The following AGBL4 variants were observed in gnomAD, a reference collection of about 807,000 sequenced individuals.
AGBL4 encodes the protein cytosolic carboxypeptidase 6.
A neutral mutation model predicts 66.4 loss-of-function variants in AGBL4; 58 were observed. The observed-to-expected ratio is 0.87, with a 90% CI of 0.71 to 1.09. AGBL4 has a LOEUF of 1.09. Ranked by LOEUF, AGBL4 falls within the 50% of genes least tolerant of loss-of-function variation. AGBL4 has a pLI of 0.00. For missense variants in AGBL4, 579 were observed against 631.0 expected, an observed-to-expected ratio of 0.92 and a Z score of 0.88; for synonymous variants, 234 against 222.9, an observed-to-expected ratio of 1.05 and a Z score of -0.44.
chr1:48,721,759 T>C (rs1238789635), intron 6 of AGBL4, among the ~76,000 whole-genome samples: 1 of 152,206 alleles, frequency 6.6e-6, no homozygotes, highest in Admixed American at 6.5e-5. Context: ...TGGGACTGAG[T>C]TGTGGTGACC....
chr1:49,509,562 C>A (rs1308460994), intron 3 of AGBL4, among the ~76,000 whole-genome samples: 1 of 151,708 alleles, frequency 6.6e-6, no homozygotes, highest in Non-Finnish European at 1.5e-5. Flanking sequence ...ACCAGGGAGG[C>A]CTCTAAATAC....
chr1:49,865,229 T>G, intron 1 of AGBL4, among the ~76,000 whole-genome samples: 1 of 152,146 alleles, frequency 6.6e-6, no homozygotes, highest in East Asian at 1.9e-4. Flanking sequence ...TTCGCCCCAG[T>G]GCAGACAGCC....
intron 3 of AGBL4, among the ~76,000 whole-genome samples, chr1:49,504,555 A>T (rs752073560): frequency 8.6e-5 from 13 of 152,016 alleles, no homozygotes; most frequent in Non-Finnish European, 1.6e-4. Context: ...CAATTGTTAT[A>T]TTCACTTGAT....
At chr1:49,903,278 G>A (rs904098346) in intron 1 of AGBL4, among the ~76,000 whole-genome samples, 15 of 152,122 alleles carry the variant, frequency 9.9e-5, no homozygotes, top group Non-Finnish European at 1.0e-4. Context: ...GCATGTTCTC[G>A]CTTATAAGTG....
At chr1:49,931,292 G>C (rs1204022118) in intron 1 of AGBL4, among the ~76,000 whole-genome samples, 2 of 152,136 alleles carry the variant, frequency 1.3e-5, no homozygotes, top group Non-Finnish European at 2.9e-5. Flanking sequence ...TGAGTTGAAA[G>C]AATATTGTTA....
At chr1:48,864,559 A>G (rs923792572) in intron 6 of AGBL4, among the ~76,000 whole-genome samples, 2 of 152,218 alleles carry the variant, frequency 1.3e-5, no homozygotes, top group Non-Finnish European at 2.9e-5. Context: ...ATTCAATCAT[A>G]TATGGAATAT....
chr1:48,814,221 G>A (rs1646123128), intron 6 of AGBL4, among the ~76,000 whole-genome samples: 1 of 152,082 alleles, frequency 6.6e-6, no homozygotes, highest in South Asian at 2.1e-4. Flanking sequence ...TCAGCCAAGA[G>A]TTTAAACCTC....
chr1:49,369,684 G>T (rs1644303433), intron 3 of AGBL4, among the ~76,000 whole-genome samples: 1 of 152,110 alleles, frequency 6.6e-6, no homozygotes, highest in South Asian at 2.1e-4. Context: ...ATACTGCTCA[G>T]TGTATGGGTA....
chr1:48,945,088 T>C (rs78592241), intron 5 of AGBL4, among the ~76,000 whole-genome samples: 267 of 152,292 alleles, frequency 1.8e-3, no homozygotes, highest in African/African-American at 6.0e-3. Context: ...GCACTGGAGA[T>C]GTCCTGTGGT....
intron 6 of AGBL4, among the ~76,000 whole-genome samples, chr1:48,793,669 A>G (rs1355195575): frequency 1.3e-5 from 2 of 152,200 alleles, no homozygotes; most frequent in Non-Finnish European, 2.9e-5. Context: ...TTGATAAACA[A>G]AAAAGTTAGG....
At chr1:49,853,327 A>G (rs1436583237) in intron 1 of AGBL4, among the ~76,000 whole-genome samples, 1 of 152,216 alleles carries the variant, frequency 6.6e-6, no homozygotes, top group Admixed American at 6.5e-5. Context: ...TGATAAAACC[A>G]AAAATCACAG....
intron 9 of AGBL4, among the ~76,000 whole-genome samples, chr1:48,600,694 T>C (rs1253628795): frequency 6.6e-6 from 1 of 152,236 alleles, no homozygotes; most frequent in Non-Finnish European, 1.5e-5. Flanking sequence ...CTAAGCTCTA[T>C]TCAGAATAGC....
At chr1:49,685,715 C>CCTTT (rs1307680153) in intron 3 of AGBL4, among the ~76,000 whole-genome samples, 3 of 151,994 alleles carry the variant, frequency 2.0e-5, no homozygotes, top group Non-Finnish European at 4.4e-5. Flanking sequence ...TGAGAAGTGT[C>CCTTT]CTTTCATCTT....
At chr1:48,780,188 C>A (rs1266366231) in intron 6 of AGBL4, among the ~76,000 whole-genome samples, 1 of 136,616 alleles carries the variant, frequency 7.3e-6, no homozygotes, top group Non-Finnish European at 1.6e-5. Context: ...GTCCCCCAGC[C>A]CCCCACCCCC....
intron 5 of AGBL4, among the ~76,000 whole-genome samples, chr1:49,012,747 G>A (rs1365934735): frequency 6.6e-6 from 1 of 152,174 alleles, no homozygotes; most frequent in African/African-American, 2.4e-5. Flanking sequence ...AGATCCAAGA[G>A]CCCCTTTGGC....
At chr1:49,703,137 A>C (rs1483975861) in intron 2 of AGBL4, among the ~76,000 whole-genome samples, 1 of 152,082 alleles carries the variant, frequency 6.6e-6, no homozygotes, top group Non-Finnish European at 1.5e-5. Flanking sequence ...GGAAGAAATA[A>C]AATTATTTCT....
intron 3 of AGBL4, among the ~76,000 whole-genome samples, chr1:49,565,556 T>G (rs537238470): frequency 6.6e-6 from 1 of 152,108 alleles, no homozygotes; most frequent in African/African-American, 2.4e-5. Context: ...TTCTCCTTCA[T>G]GTATGAAGCT....
chr1:49,832,007 T>G (rs934509914), intron 2 of AGBL4, among the ~76,000 whole-genome samples: 2 of 151,942 alleles, frequency 1.3e-5, no homozygotes, highest in African/African-American at 2.4e-5. Context: ...TATTTTATTA[T>G]TATTATACTT....
chr1:48,556,861 T>A (rs1644328758), intron 11 of AGBL4, among the ~76,000 whole-genome samples: 1 of 152,222 alleles, frequency 6.6e-6, no homozygotes, highest in African/African-American at 2.4e-5. Flanking sequence ...CGATCTCGGC[T>A]CACTGCAACC....
Sources: allele counts gnomAD v4.1 joint callset (sites outside exome capture counted in the v4.1 genomes callset), GRCh38; gene constraint gnomAD v4.1.1; transcripts MANE v1.5; gene names NCBI Gene and HGNC (gene_info 2026-07-23, HGNC 2026-07-21).